ARHGEF9: variants seen among roughly 807,000 people sequenced by gnomAD.
ARHGEF9 encodes Cdc42 guanine nucleotide exchange factor 9.
ARHGEF9 carries 2 observed loss-of-function variants against 41.3 expected under a neutral mutation model. The ratio of observed to expected loss-of-function variants is 0.05; its 90% CI spans 0.02 to 0.15. The LOEUF is 0.15. Among genes scored for constraint, ARHGEF9 ranks in the 10% least tolerant of loss-of-function variants. ARHGEF9 has a pLI of 1.00. For synonymous variants in ARHGEF9, 160 were observed against 154.4 expected (o/e 1.04, Z -0.27); for missense variants, 225 against 424.7 (o/e 0.53, Z 4.13).
intron 7 of ARHGEF9, among the ~76,000 whole-genome samples, chrX:63,661,412 C>T (rs1556341385): frequency 1.8e-5 from 2 of 111,773 alleles, no homozygotes; most frequent in Non-Finnish European, 1.9e-5. Context: ...GCAGGAAAAG[C>T]GGATCTGCTC....
At chrX:63,761,746 C>A (rs1470792041) in intron 1 of ARHGEF9, among the ~76,000 whole-genome samples, 1 of 111,620 alleles carries the variant, frequency 9.0e-6, no homozygotes, top group Non-Finnish European at 1.9e-5. Flanking sequence ...CCTATACCAC[C>A]CTCCTGTGGC....
At chrX:63,738,372 T>C (rs782229327) in intron 1 of ARHGEF9, among the ~76,000 whole-genome samples, 1 of 112,079 alleles carries the variant, frequency 8.9e-6, no homozygotes, top group African/African-American at 3.2e-5. Context: ...CTTTTGAATT[T>C]TGAAACATGT....
intron 4 of ARHGEF9, among the ~76,000 whole-genome samples, chrX:63,686,106 G>C (rs1463652248): frequency 1.8e-5 from 2 of 111,522 alleles, no homozygotes; most frequent in Non-Finnish European, 3.8e-5. Context: ...GCAAAGATAA[G>C]GAATCAATCT....
At chrX:63,702,273 C>G (rs1291856539) in intron 3 of ARHGEF9, among the ~76,000 whole-genome samples, 1 of 112,345 alleles carries the variant, frequency 8.9e-6, no homozygotes, top group Non-Finnish European at 1.9e-5. Flanking sequence ...GCATCGTTAG[C>G]TCTGCTTACT....
At chrX:63,704,338 AG>A (rs1451714254) in intron 3 of ARHGEF9, among the ~76,000 whole-genome samples, 1 of 112,558 alleles carries the variant, frequency 8.9e-6, no homozygotes, top group Non-Finnish European at 1.9e-5. Flanking sequence ...TCTGGGTTGG[AG>A]CCAAAGATTT....
At chrX:63,708,381 A>G (rs1194822675) in intron 2 of ARHGEF9, among the ~76,000 whole-genome samples, 1 of 112,337 alleles carries the variant, frequency 8.9e-6, no homozygotes, top group Non-Finnish European at 1.9e-5. Flanking sequence ...AGCTGGAATA[A>G]GATGAATATT....
At chrX:63,647,584 C>T (rs1165533954) in intron 8 of ARHGEF9, among the ~76,000 whole-genome samples, 25 of 111,578 alleles carry the variant, frequency 2.2e-4, no homozygotes, top group African/African-American at 7.2e-4. Flanking sequence ...ATGAAGCCCA[C>T]TTGATCATGG....
intron 7 of ARHGEF9, chrX:63,657,144 T>A (rs2048924330): frequency 1.8e-5 from 2 of 111,966 alleles, no homozygotes; most frequent in Non-Finnish European, 1.9e-5. Context: ...TCGGGCCAGC[T>A]CTCCCTCCTC....
At chrX:63,671,908 C>T (rs182406415) in intron 6 of ARHGEF9, among the ~76,000 whole-genome samples, 10 of 112,089 alleles carry the variant, frequency 8.9e-5, no homozygotes, top group African/African-American at 2.9e-4. Context: ...AGGACAACTT[C>T]GCTGGAACTG....
chrX:63,665,519 G>C (rs2049476091), intron 7 of ARHGEF9, among the ~76,000 whole-genome samples: 1 of 113,017 alleles, frequency 8.8e-6, no homozygotes, highest in Admixed American at 9.3e-5. Flanking sequence ...GAGGGAAAGT[G>C]CTCAGGGAAA....
At chrX:63,689,520 C>A (rs1167174513) in intron 4 of ARHGEF9, among the ~76,000 whole-genome samples, 1 of 112,054 alleles carries the variant, frequency 8.9e-6, no homozygotes, top group East Asian at 2.8e-4. Flanking sequence ...TAGATTTAAA[C>A]AGAGAGACAG....
At chrX:63,773,622 G>A (rs2056239632) in intron 1 of ARHGEF9, among the ~76,000 whole-genome samples, 1 of 112,094 alleles carries the variant, frequency 8.9e-6, no homozygotes, top group Non-Finnish European at 1.9e-5. Flanking sequence ...GCCACAGGGT[G>A]CCCAGATATT....
At chrX:63,663,938 A>G (rs781837986) in intron 7 of ARHGEF9, among the ~76,000 whole-genome samples, 1 of 112,369 alleles carries the variant, frequency 8.9e-6, no homozygotes, top group East Asian at 2.8e-4. Context: ...ACACCCAGGT[A>G]TATGGAGTTG....
chrX:63,761,550 A>G (rs2056034442), intron 1 of ARHGEF9, among the ~76,000 whole-genome samples: 1 of 111,824 alleles, frequency 8.9e-6, no homozygotes, highest in African/African-American at 3.3e-5. Context: ...ATTCTCTGCT[A>G]CAGCCTGAGA....
intron 1 of ARHGEF9, chrX:63,755,144 GC>G: frequency 1.1e-6 from 1 of 938,877 alleles, no homozygotes; most frequent in African/African-American, 2.0e-5. Context: ...CCCATAGGCT[GC>G]CTTTTTATTC....
chrX:63,697,692 C>T (rs782220157), intron 3 of ARHGEF9, among the ~76,000 whole-genome samples: 1 of 111,642 alleles, frequency 9.0e-6, no homozygotes, highest in South Asian at 3.8e-4. Flanking sequence ...AACCAAAGGT[C>T]TTAATAACAT....
intron 2 of ARHGEF9, among the ~76,000 whole-genome samples, chrX:63,709,631 A>G (rs1211064148): frequency 9.0e-6 from 1 of 111,718 alleles, no homozygotes; most frequent in African/African-American, 3.3e-5. Context: ...ATAGCTCTCC[A>G]CTGATTATAA....
chrX:63,775,058 A>G (rs2056269520), intron 1 of ARHGEF9, among the ~76,000 whole-genome samples: 1 of 112,764 alleles, frequency 8.9e-6, no homozygotes, highest in Admixed American at 9.4e-5. Context: ...CATGTGGCCA[A>G]GAAGCATATG....
chrX:63,650,258 C>T (rs1291981624), intron 8 of ARHGEF9, among the ~76,000 whole-genome samples: 1 of 111,017 alleles, frequency 9.0e-6, no homozygotes, highest in Non-Finnish European at 1.9e-5. Context: ...TTCACAATAA[C>T]CAAAATATGA....
Sources: allele counts gnomAD v4.1 joint callset (sites outside exome capture counted in the v4.1 genomes callset), GRCh38; gene constraint gnomAD v4.1.1; transcripts MANE v1.5; gene names NCBI Gene and HGNC (gene_info 2026-07-23, HGNC 2026-07-21).